TENM4: variants seen among roughly 807,000 people sequenced by gnomAD.
TENM4 encodes teneurin transmembrane protein 4, also known as teneurin-4.
Under a neutral mutation model 243.3 loss-of-function variants are expected in TENM4, and 82 were observed. The ratio of observed to expected loss-of-function variants is 0.34; its 90% CI spans 0.28 to 0.40. TENM4 has a LOEUF of 0.40. Ranked by LOEUF, TENM4 falls within the 10% of genes least tolerant of loss-of-function variation. TENM4 has a pLI of 1.00. For synonymous variants in TENM4, 1,412 were observed against 1,456.3 expected (o/e 0.97, Z 0.69); for missense variants, 3,138 against 3,673.3 (o/e 0.85, Z 3.77).
At chr11:78,901,453 C>T (rs930011114) in intron 7 of TENM4, among the ~76,000 whole-genome samples, 4 of 152,064 alleles carry the variant, frequency 2.6e-5, no homozygotes, top group East Asian at 1.9e-4. Flanking sequence ...AGACAGGAGA[C>T]GTGAGCTGGG....
intron 1 of TENM4, among the ~76,000 whole-genome samples, chr11:79,407,735 G>C (rs1402615331): frequency 6.6e-6 from 1 of 152,124 alleles, no homozygotes; most frequent in Admixed American, 6.6e-5. Flanking sequence ...TCTACTAGTT[G>C]AACTCTTTAT....
chr11:79,291,831 A>G (rs1399448862), intron 2 of TENM4, among the ~76,000 whole-genome samples: 1 of 152,208 alleles, frequency 6.6e-6, no homozygotes, highest in Non-Finnish European at 1.5e-5. Context: ...GAGTATTCAT[A>G]TGTAGTCTCC....
rs113585319 is a variant in TENM4 at position 79,277,741 on chromosome 11, T to C, written c.-265+19747A>G. Among the ~76,000 whole-genome samples the C allele has an allele frequency of 9.9e-5, 15 of 152,254 alleles. 1 individual carries two copies. The highest frequency in any genetic ancestry group is 3.4e-4 in the African/African-American group (14 of 41,548). On this transcript the variant is annotated intron_variant, in intron 2 of 33. Transcript: ENST00000278550. ...CTGTCTGAGCCTTGGTTTTTCCACC[T>C]AGAAAATAGGGGTGCAGACAGAGAA...
At chr11:79,164,333 T>TATAG (rs1316375078) in intron 3 of TENM4, among the ~76,000 whole-genome samples, 1 of 121,102 alleles carries the variant, frequency 8.3e-6, no homozygotes, top group Non-Finnish European at 1.5e-5. Context: ...ATATATAGTA[T>TATAG]ATAGATATAC....
At chr11:78,796,025 A>C (rs1282186979) in intron 15 of TENM4, among the ~76,000 whole-genome samples, 2 of 152,172 alleles carry the variant, frequency 1.3e-5, no homozygotes, top group African/African-American at 4.8e-5. Context: ...GAGATGGCGG[A>C]AAGTTAATGA....
chr11:78,989,933 A>T (rs1858001089), intron 6 of TENM4, among the ~76,000 whole-genome samples: 1 of 152,012 alleles, frequency 6.6e-6, no homozygotes, highest in Non-Finnish European at 1.5e-5. Context: ...GTGTGGTGGC[A>T]TATAATTGTA....
chr11:79,209,738 A>G (rs1409006836), intron 3 of TENM4, among the ~76,000 whole-genome samples: 1 of 152,208 alleles, frequency 6.6e-6, no homozygotes. Flanking sequence ...GGACCGCTCC[A>G]ACCTCACCAG....
At chr11:78,872,311 CT>C (rs1859154079) in intron 9 of TENM4, among the ~76,000 whole-genome samples, 2 of 152,184 alleles carry the variant, frequency 1.3e-5, no homozygotes, top group South Asian at 2.1e-4. Flanking sequence ...AGAAGGGGTG[CT>C]TAAACCTAGT....
intron 7 of TENM4, among the ~76,000 whole-genome samples, chr11:78,892,563 CA>C (rs1364685642): frequency 6.6e-6 from 1 of 152,090 alleles, no homozygotes; most frequent in African/African-American, 2.4e-5. Context: ...ACTGAGCTCA[CA>C]AGGTTGTTAT....
rs980220978 is a variant in TENM4, at chr11:79,368,973, T to C, written c.-320-71430A>G. Among the ~76,000 whole-genome samples the C allele has an allele frequency of 1.1e-4, 17 of 152,158 alleles. 1 individual carries two copies. The highest frequency in any genetic ancestry group is 1.0e-3 in the Admixed American group (16 of 15,282). ...CCCTTTTCTTTCCTGATTCCAGTAA[T>C]GATGAAGCTTTGTTGAGGGGGCTTT... On this transcript the variant is annotated intron_variant, in intron 1 of 33. Coordinates refer to ENST00000278550, the MANE Select transcript of TENM4 (RefSeq NM_001098816.3).
chr11:79,068,615 T>C (rs757727855), intron 5 of TENM4, among the ~76,000 whole-genome samples: 1 of 152,170 alleles, frequency 6.6e-6, no homozygotes, highest in South Asian at 2.1e-4. Context: ...CATAGCACAG[T>C]GCTCAGCTGA....
rs1193958016 is a variant in TENM4, at chr11:78,657,976, A to AT, written c.*81dup. The AT allele has an allele frequency of 3.8e-6, 6 of 1,599,818 alleles. No homozygotes were observed. Among genetic ancestry groups the AT allele is most frequent in the Admixed American group, 1.7e-5 (1 of 60,014 alleles). ...TTGTTTCTGCACTTGTTAAAAAATC[A>AT]TTTTTTTAAAAGTACAACACAGTCA... On this transcript the variant is annotated 3_prime_UTR_variant, in exon 34 of 34. Transcript: ENST00000278550.
intron 1 of TENM4, among the ~76,000 whole-genome samples, chr11:79,436,902 C>G (rs1165986388): frequency 6.6e-6 from 1 of 152,240 alleles, no homozygotes; most frequent in Non-Finnish European, 1.5e-5. Context: ...CCTGCCCTCC[C>G]CTCAGTTCAA....
In TENM4 at chr11:78,669,476, C is replaced by A. The variant is rs1858252324; in HGVS notation, c.6869G>T (p.Arg2290Met). 1 of 1,613,844 alleles carries A rather than the reference C, an allele frequency of 6.2e-7. No individual in the cohort carries two copies. Among genetic ancestry groups the A allele is most frequent in the Non-Finnish European group, 8.5e-7 (1 of 1,179,816 alleles). ...CCGCCCCAGGCCATCGTAGCGGTAC[C>A]TGACACTCCAGCTGCCAGCCCGGTT... ...AYNRAGSWSVRYRYDGLGRRV... is the reference protein window; with the variant it reads ...AYNRAGSWSVMYRYDGLGRRV... Residue 2290 changes from arginine (R) to methionine (M), a missense_variant, in exon 32 of 34, where the codon AGG becomes ATG. This residue lies in a region of TENM4 where 2,467 missense variants were observed against 3,059.1 expected (regional missense o/e 0.81). Coordinates refer to ENST00000278550, the MANE Select transcript of TENM4 (RefSeq NM_001098816.3). The surrounding 1 kb of genome is among the most constrained non-coding windows in gnomAD (Gnocchi z 6.4).
At chr11:78,767,002 A>G (rs927306265) in intron 18 of TENM4, among the ~76,000 whole-genome samples, 11 of 152,278 alleles carry the variant, frequency 7.2e-5, no homozygotes, top group Admixed American at 5.2e-4. Context: ...TAGTTTAAAA[A>G]CACTGCTGTA....
intron 21 of TENM4, 113 bp downstream of exon 21, chr11:78,732,203 C>A: frequency 7.0e-7 from 1 of 1,434,036 alleles, no homozygotes; most frequent in South Asian, 1.5e-5. Context: ...GCTGATGGGA[C>A]CTGACCCAAG....
Position 78,712,707 on chromosome 11 carries a change from G to C in TENM4, c.3829C>G (p.Pro1277Ala), listed in dbSNP as rs760992133. 6 of 1,613,300 alleles carry C rather than the reference G, an allele frequency of 3.7e-6. No individual in the cohort carries two copies. Among genetic ancestry groups the C allele is most frequent in the Non-Finnish European group, 4.2e-6 (5 of 1,179,296 alleles). The stretch of plus-strand genomic sequence containing the variant: ...GTGGCCAGGTAGTATTTGTGTGCTG[G>C]ACTGTGACTAGAAAACAAAGACATG... Reference protein sequence around the residue: ...RNKDFRHSHSPAHKYYLATDP... With the variant: ...RNKDFRHSHSAAHKYYLATDP... Residue 1277 changes from proline (P) to alanine (A), a missense_variant, in exon 26 of 34, where the codon CCA (proline) becomes GCA (alanine). Transcript: ENST00000278550.
chr11:78,962,822 A>G (rs1224615194), intron 6 of TENM4, among the ~76,000 whole-genome samples: 1 of 152,198 alleles, frequency 6.6e-6, no homozygotes, highest in Non-Finnish European at 1.5e-5. Context: ...CTGAGATTTT[A>G]TTCCGACCTG....
chr11:78,796,121 G>A (rs995676831), intron 15 of TENM4, among the ~76,000 whole-genome samples: 3 of 151,980 alleles, frequency 2.0e-5, no homozygotes, highest in Non-Finnish European at 2.9e-5. Context: ...CCAGTATGTG[G>A]GTGCAGAGCA....
Sources: allele counts gnomAD v4.1 joint callset (sites outside exome capture counted in the v4.1 genomes callset), GRCh38; gene constraint gnomAD v4.1.1; regional missense constraint gnomAD v4.1.1; non-coding constraint Gnocchi (gnomAD v3.1); transcripts MANE v1.5; gene names NCBI Gene and HGNC (gene_info 2026-07-23, HGNC 2026-07-21).